CAMTA1: variants seen among roughly 807,000 people sequenced by gnomAD.
CAMTA1 encodes calmodulin binding transcription activator 1, also known as calmodulin-binding transcription activator 1.
In CAMTA1, 27 loss-of-function variants were observed where a neutral mutation model predicts 170.9. The ratio of observed to expected loss-of-function variants is 0.16; its 90% confidence interval spans 0.12 to 0.22. CAMTA1 has a LOEUF of 0.22. CAMTA1 is among the 10% of genes least tolerant of loss of function. CAMTA1 has a pLI of 1.00. For missense variants in CAMTA1, 1,619 were observed against 2,217.2 expected (o/e 0.73, Z 5.42); for synonymous variants, 833 against 891.5 (o/e 0.93, Z 1.17).
At chr1:7,199,025 C>T in intron 4 of CAMTA1, among the ~76,000 whole-genome samples, 1 of 152,238 alleles carries the variant, frequency 6.6e-6, no homozygotes. Context: ...CTTCCACCGC[C>T]TCCCAGGAGG....
intron 3 of CAMTA1, among the ~76,000 whole-genome samples, chr1:7,076,630 T>C (rs1347493271): frequency 6.6e-6 from 1 of 152,190 alleles, no homozygotes; most frequent in Non-Finnish European, 1.5e-5. Flanking sequence ...TTGAACTAAG[T>C]CCTCACGTGG....
chr1:7,276,303 A>ATATAATTTTT lies in CAMTA1; in HGVS notation c.438+26678_438+26679insATAATTTTTT. Reference sequence around the variant, plus strand: ...CATATATATATATATATATATATATATTTTTTTTTTTTTTTTTTCTTTTTG... The same window carrying ATATAATTTTT: ...CATATATATATATATATATATATATATATAATTTTTTTTTTTTTTTTTTTTTTTCTTTTTG... On this transcript the variant is annotated intron_variant, in intron 5 of 22. Coordinates refer to ENST00000303635, the MANE Select transcript of CAMTA1 (RefSeq NM_015215.4). Among the ~76,000 whole-genome samples the ATATAATTTTT allele has an allele frequency of 3.3e-4, 8 of 24,230 alleles. 1 individual carries two copies. Among genetic ancestry groups the ATATAATTTTT allele is most frequent in the Admixed American group, 2.0e-3 (3 of 1,534 alleles). The allele number at this position is 24,230 out of a possible 152,430, so 15.9% of individuals were successfully genotyped here.
At chr1:7,497,555 A>T (rs150117968) in intron 6 of CAMTA1, among the ~76,000 whole-genome samples, 134 of 152,292 alleles carry the variant, frequency 8.8e-4, no homozygotes, top group African/African-American at 3.1e-3. Flanking sequence ...CTTCACCCAC[A>T]CGTTCCTGGT....
intron 4 of CAMTA1, among the ~76,000 whole-genome samples, chr1:7,129,581 G>T (rs1342224970): frequency 9.9e-5 from 15 of 152,144 alleles, no homozygotes; most frequent in African/African-American, 3.6e-4. Context: ...TTTTGCCTCA[G>T]CTTTTGTATC....
At chr1:6,885,648 C>G (rs1206946534) in intron 3 of CAMTA1, among the ~76,000 whole-genome samples, 2 of 152,176 alleles carry the variant, frequency 1.3e-5, no homozygotes, top group African/African-American at 4.8e-5. Flanking sequence ...TTTTTCTGGT[C>G]ATTTGGACTT....
intron 6 of CAMTA1, among the ~76,000 whole-genome samples, chr1:7,473,579 G>A (rs913668079): frequency 6.6e-6 from 1 of 152,226 alleles, no homozygotes; most frequent in South Asian, 2.1e-4. Context: ...CTCAGCCCAG[G>A]CATGCCCCCA....
At chr1:7,745,541 AAG>A (rs911887419) in intron 17 of CAMTA1, among the ~76,000 whole-genome samples, 2 of 152,202 alleles carry the variant, frequency 1.3e-5, no homozygotes, top group Non-Finnish European at 2.9e-5. Flanking sequence ...AAAGAAAAAA[AAG>A]AGAGATAATG....
chr1:7,749,605 A>G (rs1029659771), intron 19 of CAMTA1, among the ~76,000 whole-genome samples: 1 of 151,722 alleles, frequency 6.6e-6, no homozygotes, highest in East Asian at 1.9e-4. Context: ...TTATTTTTGG[A>G]AAGAGTAACA....
At chr1:6,822,454 C>T (rs1646599477) in intron 2 of CAMTA1, among the ~76,000 whole-genome samples, 1 of 152,138 alleles carries the variant, frequency 6.6e-6, no homozygotes, top group Admixed American at 6.5e-5. Context: ...CAGTATTAAA[C>T]TCGCAATCCT....
chr1:7,557,308 GA>G (rs34354980), intron 6 of CAMTA1, among the ~76,000 whole-genome samples: 14,559 of 128,710 alleles, frequency 0.11, 1,000 homozygotes, highest in East Asian at 0.45. Flanking sequence ...ACTCCGTTCA[GA>G]AAAAAAAAAA....
chr1:6,896,814 A>G (rs1166006784), intron 3 of CAMTA1, among the ~76,000 whole-genome samples: 1 of 152,176 alleles, frequency 6.6e-6, no homozygotes, highest in Non-Finnish European at 1.5e-5. Flanking sequence ...GGTCTTGAAT[A>G]TACTCGTTGG....
At position 7,677,662 on chromosome 1, in the gene CAMTA1, T is replaced by C; in HGVS notation, c.2843T>C (p.Val948Ala). ...AACAACCAGATCATCTCCAACTCGG[T>C]GGTGTTTGAGTACAAAGCCCGGGCT... ...AFNNQIISNS[V>A]VFEYKARALP... The change falls in exon 11 of 23, where the codon GTG becomes GCG. Residue 948 changes from valine (V) to alanine (A), a missense_variant. Val to Ala is a moderately conservative substitution (Grantham distance 64, BLOSUM62 0). Around this residue, in one of 8 missense-constraint regions of CAMTA1, gnomAD observed 143 missense variants for 184.2 expected, o/e 0.78. Coordinates refer to ENST00000303635, the MANE Select transcript of CAMTA1 (RefSeq NM_015215.4). 1.2e-6 allele frequency: 2 copies of C among 1,614,174 alleles called. No homozygotes were observed.
intron 4 of CAMTA1, among the ~76,000 whole-genome samples, chr1:7,203,868 G>A (rs1322658987): frequency 7.0e-6 from 1 of 142,242 alleles, no homozygotes; most frequent in Non-Finnish European, 1.5e-5. Context: ...GTCTCACTCT[G>A]TCGCCCAGGC....
intron 5 of CAMTA1, among the ~76,000 whole-genome samples, chr1:7,436,584 G>A (rs2092354787): frequency 6.6e-6 from 1 of 152,156 alleles, no homozygotes; most frequent in African/African-American, 2.4e-5. Context: ...GGTCGGTAAG[G>A]GGTCCCTCCT....
intron 19 of CAMTA1, chr1:7,750,973 G>GA (rs141739870): frequency 1.0e-5 from 7 of 676,860 alleles, no homozygotes; most frequent in South Asian, 1.5e-5. Context: ...ATATTTTAGG[G>GA]AAAAAATATA....
intron 3 of CAMTA1, among the ~76,000 whole-genome samples, chr1:6,914,765 G>A (rs1680440131): frequency 1.3e-5 from 2 of 152,314 alleles, no homozygotes; most frequent in Middle Eastern, 3.4e-3. Flanking sequence ...GCGCTCATGT[G>A]GCCAGGGAGA....
chr1:7,421,253 A>G (rs1258975127), intron 5 of CAMTA1, among the ~76,000 whole-genome samples: 1 of 151,762 alleles, frequency 6.6e-6, no homozygotes, highest in Non-Finnish European at 1.5e-5. Flanking sequence ...CCTGGATTCA[A>G]GCAATTCTCC....
At chr1:7,256,541 C>T (rs1468567126) in intron 5 of CAMTA1, among the ~76,000 whole-genome samples, 1 of 152,156 alleles carries the variant, frequency 6.6e-6, no homozygotes, top group Non-Finnish European at 1.5e-5. Flanking sequence ...GCCTGGGCGA[C>T]AGCGAGACTC....
At chr1:7,158,090 C>T (rs993098044) in intron 4 of CAMTA1, among the ~76,000 whole-genome samples, 21 of 152,164 alleles carry the variant, frequency 1.4e-4, no homozygotes, top group Non-Finnish European at 2.8e-4. Context: ...ACCCGGAAGG[C>T]GGAGCTTGCA....
Sources: gnomAD v4.1 joint callset for allele counts (sites outside exome capture counted in the v4.1 genomes callset) on GRCh38, gnomAD v4.1.1 for gene constraint, gnomAD v4.1.1 regional missense constraint, MANE v1.5 for transcripts, NCBI Gene and HGNC (gene_info 2026-07-23, HGNC 2026-07-21) for gene names.